The following IL1RAPL1 variants were observed in gnomAD, a reference collection of about 807,000 sequenced individuals.
The protein encoded by IL1RAPL1 is interleukin-1 receptor accessory protein-like 1.
Under a neutral mutation model 48.4 loss-of-function variants are expected in IL1RAPL1, and 3 were observed. The observed-to-expected ratio is 0.06, with a 90% CI of 0.03 to 0.16. IL1RAPL1 has a LOEUF of 0.16. Ranked by LOEUF, IL1RAPL1 falls within the 10% of genes least tolerant of loss-of-function variation. The probability of loss-of-function intolerance (pLI) is 1.00; values close to 1 mark genes in which losing one functional copy is unlikely to be tolerated. For missense variants in IL1RAPL1, 349 were observed against 530.6 expected, an observed-to-expected ratio of 0.66 and a Z score of 3.36; for synonymous variants, 185 against 187.7, an observed-to-expected ratio of 0.99 and a Z score of 0.12.
rs187215340 is a variant in IL1RAPL1, at chrX:29,302,168, A to T, written c.362+18951A>T. On this transcript the variant is annotated intron_variant, in intron 3 of 10. Transcript: ENST00000378993. ...TAAATGTCGCAGAGAAAATTATTCTATATATTCAGTCATTCAGACAATTAT... is the reference window on the plus strand; with the variant it reads ...TAAATGTCGCAGAGAAAATTATTCTTTATATTCAGTCATTCAGACAATTAT... 1.4e-4 allele frequency among the ~76,000 whole-genome samples: 16 copies of T among 112,049 alleles called. No individual in the cohort carries two copies. In the East Asian group the frequency reaches 4.5e-3, roughly 31 times the overall value.
intron 2 of IL1RAPL1, among the ~76,000 whole-genome samples, chrX:29,276,716 A>G (rs1932125522): frequency 9.0e-6 from 1 of 110,916 alleles, no homozygotes; most frequent in African/African-American, 3.3e-5. Context: ...GGGTCTTGCT[A>G]TGTTGCCCAG....
chrX:29,695,604 G>GAGAC (rs1308089328), intron 6 of IL1RAPL1, among the ~76,000 whole-genome samples: 4 of 106,947 alleles, frequency 3.7e-5, no homozygotes, highest in African/African-American at 1.4e-4. Flanking sequence ...TGGCGAGAGA[G>GAGAC]AGAGAGAGAG....
In IL1RAPL1 at chrX:28,960,855, A is replaced by G. The variant is rs193021372; in HGVS notation, c.82+171430A>G. ...AACCCCGTCTCTACTAAAAAAATAC[A>G]AAAAATTAGCCAGGCGTGGTGGCGG... On this transcript the variant is annotated intron_variant, in intron 2 of 10. Transcript: ENST00000378993. Among the ~76,000 whole-genome samples the G allele has an allele frequency of 4.5e-3, 491 of 108,850 alleles. 4 individuals carry two copies. The highest frequency in any genetic ancestry group is 0.015 in the African/African-American group (461 of 29,887). 94.5% of individuals were successfully genotyped at this position (108,850 alleles called of 115,157 possible).
At chrX:29,709,385 A>AT (rs958240857) in intron 6 of IL1RAPL1, among the ~76,000 whole-genome samples, 47 of 110,884 alleles carry the variant, frequency 4.2e-4, no homozygotes, top group Non-Finnish European at 6.6e-4. Flanking sequence ...TTCCAACACT[A>AT]TTTTTTTTGG....
chrX:29,820,701 A>G (rs1930592914), intron 6 of IL1RAPL1, among the ~76,000 whole-genome samples: 1 of 112,137 alleles, frequency 8.9e-6, no homozygotes, highest in South Asian at 3.7e-4. Flanking sequence ...ATGTATTAGA[A>G]GTCCTTGGAA....
intron 3 of IL1RAPL1, among the ~76,000 whole-genome samples, chrX:29,334,446 C>CG (rs533125680): frequency 9.3e-6 from 1 of 107,657 alleles, no homozygotes; most frequent in African/African-American, 3.5e-5. Context: ...GCTGGCCGGG[C>CG]GGGGGGCTGA....
intron 3 of IL1RAPL1, among the ~76,000 whole-genome samples, chrX:29,358,405 C>T (rs1381082065): frequency 9.1e-6 from 1 of 109,602 alleles, no homozygotes; most frequent in Non-Finnish European, 1.9e-5. Flanking sequence ...CTCTACGCAC[C>T]CACCCCCCGC....
At chrX:28,768,751 C>CTATATATATATA (rs1319423117) in intron 1 of IL1RAPL1, among the ~76,000 whole-genome samples, 8 of 63,365 alleles carry the variant, frequency 1.3e-4, no homozygotes, top group Non-Finnish European at 2.0e-4. Flanking sequence ...CTCTCTCTCT[C>CTATATATATATA]TCTCTATATA....
Position 29,522,075 on chromosome X carries a change from A to G in IL1RAPL1, c.703+122767A>G, listed in dbSNP as rs190021271. 5.5e-3 allele frequency among the ~76,000 whole-genome samples: 615 copies of G among 112,265 alleles called. 1 individual carries two copies. Among genetic ancestry groups the G allele is most frequent in the Non-Finnish European group, 8.8e-3 (468 of 53,268 alleles). Reference sequence around the variant, plus strand: ...TGTCTGTACAACAGAATTGCATATCATTTAAGAGGCCACTACAGCATTTAT... The same window carrying G: ...TGTCTGTACAACAGAATTGCATATCGTTTAAGAGGCCACTACAGCATTTAT... On this transcript the variant is annotated intron_variant, in intron 5 of 10. Coordinates refer to ENST00000378993, the MANE Select transcript of IL1RAPL1 (RefSeq NM_014271.4).
intron 2 of IL1RAPL1, among the ~76,000 whole-genome samples, chrX:29,218,737 A>G (rs1313028793): frequency 8.9e-6 from 1 of 112,275 alleles, no homozygotes; most frequent in Non-Finnish European, 1.9e-5. Context: ...AAGAAGGCAA[A>G]GAATATTGAA....
At chrX:29,357,747 A>G (rs1038461170) in intron 3 of IL1RAPL1, among the ~76,000 whole-genome samples, 1 of 112,362 alleles carries the variant, frequency 8.9e-6, no homozygotes, top group Non-Finnish European at 1.9e-5. Flanking sequence ...TGACACTCCT[A>G]TAACAAAAGA....
At chrX:29,043,976 C>A (rs183153169) in intron 2 of IL1RAPL1, among the ~76,000 whole-genome samples, 5 of 111,726 alleles carry the variant, frequency 4.5e-5, no homozygotes, top group African/African-American at 1.6e-4. Flanking sequence ...TGGAATATGT[C>A]TGCTGACAGA....
At chrX:29,562,034 T>TTCTTTCTA (rs1439279660) in intron 5 of IL1RAPL1, among the ~76,000 whole-genome samples, 3 of 93,059 alleles carry the variant, frequency 3.2e-5, no homozygotes, top group African/African-American at 8.2e-5. Flanking sequence ...TCTTTTTCAA[T>TTCTTTCTA]TCTATCTATC....
At chrX:29,317,992 G>C (rs1298580178) in intron 3 of IL1RAPL1, among the ~76,000 whole-genome samples, 1 of 111,818 alleles carries the variant, frequency 8.9e-6, no homozygotes, top group Admixed American at 9.6e-5. Flanking sequence ...TGAGAAAAAT[G>C]AGTCTCAAAT....
intron 2 of IL1RAPL1, among the ~76,000 whole-genome samples, chrX:28,960,958 T>C (rs952746414): frequency 4.6e-5 from 4 of 87,849 alleles, no homozygotes; most frequent in South Asian, 5.9e-4. Flanking sequence ...TGCAGTGAGC[T>C]GAGATCGCAC....
At chrX:29,523,968 C>A (rs2147774250) in intron 5 of IL1RAPL1, among the ~76,000 whole-genome samples, 1 of 110,528 alleles carries the variant, frequency 9.0e-6, no homozygotes, top group African/African-American at 3.3e-5. Context: ...TCTGTCTTTT[C>A]TTTTTGCCTT....
chrX:29,511,576 A>G (rs1229488338), intron 5 of IL1RAPL1, among the ~76,000 whole-genome samples: 4 of 111,703 alleles, frequency 3.6e-5, no homozygotes, highest in African/African-American at 1.3e-4. Flanking sequence ...TTTCTTACCA[A>G]GTTTTTGTAA....
intron 2 of IL1RAPL1, among the ~76,000 whole-genome samples, chrX:29,214,531 C>T (rs1377036050): frequency 9.0e-6 from 1 of 111,111 alleles, no homozygotes; most frequent in Non-Finnish European, 1.9e-5. Flanking sequence ...TGAAATATCC[C>T]ATAATAAAAG....
At chrX:29,099,689 A>G (rs1436679172) in intron 2 of IL1RAPL1, among the ~76,000 whole-genome samples, 1 of 111,853 alleles carries the variant, frequency 8.9e-6, no homozygotes, top group African/African-American at 3.2e-5. Context: ...CAATGATACC[A>G]TAACAGCAGC....
Sources: allele counts gnomAD v4.1 joint callset (sites outside exome capture counted in the v4.1 genomes callset), GRCh38; gene constraint gnomAD v4.1.1; transcripts MANE v1.5; gene names NCBI Gene and HGNC (gene_info 2026-07-23, HGNC 2026-07-21).